Variants in PTPRZ1 observed in about 807,000 individuals in gnomAD.
PTPRZ1 encodes the protein receptor-type tyrosine-protein phosphatase zeta.
Under a neutral mutation model 214.1 loss-of-function variants are expected in PTPRZ1, and 82 were observed. The observed-to-expected ratio is 0.38, with a 90% CI of 0.32 to 0.46. PTPRZ1 has a LOEUF of 0.46. PTPRZ1 is among the 20% of genes least tolerant of loss of function. The probability of loss-of-function intolerance (pLI) is 1.00; values close to 1 mark genes in which losing one functional copy is unlikely to be tolerated. For missense variants in PTPRZ1, 2,603 were observed against 2,748.7 expected (o/e 0.95, Z 1.19); for synonymous variants, 945 against 987.9 (o/e 0.96, Z 0.81).
intron 27 of PTPRZ1, 52 bp downstream of exon 27, chr7:122,055,139 A>T (rs762737283): frequency 1.9e-5 from 26 of 1,383,610 alleles, no homozygotes; most frequent in Non-Finnish European, 2.3e-5. Flanking sequence ...CATGTTAAAC[A>T]TATTCTGACC....
chr7:121,915,964 C>T (rs1023440773), intron 1 of PTPRZ1, among the ~76,000 whole-genome samples: 5 of 152,018 alleles, frequency 3.3e-5, no homozygotes, highest in East Asian at 1.9e-4. Context: ...AATAATGCTA[C>T]CTGTGGTCTG....
At chr7:121,917,916 G>C (rs117290248) in intron 1 of PTPRZ1, among the ~76,000 whole-genome samples, 2 of 152,184 alleles carry the variant, frequency 1.3e-5, no homozygotes, top group African/African-American at 2.4e-5. Context: ...ATGAGCAATA[G>C]CAAGTGGCTT....
intron 8 of PTPRZ1, among the ~76,000 whole-genome samples, chr7:121,985,884 C>A (rs1422659062): frequency 6.6e-6 from 1 of 152,142 alleles, no homozygotes; most frequent in African/African-American, 2.4e-5. Flanking sequence ...TCTCTGAGCC[C>A]CATAATGGAA....
At chr7:121,924,216 A>G (rs2116356250) in intron 1 of PTPRZ1, among the ~76,000 whole-genome samples, 1 of 152,266 alleles carries the variant, frequency 6.6e-6, no homozygotes, top group South Asian at 2.1e-4. Context: ...ACAGAAAAAA[A>G]ATTCTATATT....
At chr7:122,032,072 AG>A in intron 15 of PTPRZ1, 1 of 152,274 alleles carries the variant, frequency 6.6e-6, no homozygotes, top group East Asian at 1.9e-4. Context: ...AAAATCAGTA[AG>A]TTTTTTCCAA....
chr7:122,038,274 C>T (rs962745638), intron 18 of PTPRZ1, among the ~76,000 whole-genome samples: 1 of 152,052 alleles, frequency 6.6e-6, no homozygotes, highest in African/African-American at 2.4e-5. Context: ...GACACAGTGA[C>T]GAATTGCTAA....
chr7:121,985,742 A>G (rs1470316502), intron 8 of PTPRZ1, among the ~76,000 whole-genome samples: 1 of 152,190 alleles, frequency 6.6e-6, no homozygotes, highest in African/African-American at 2.4e-5. Flanking sequence ...TGCACACTCA[A>G]GGAGACACCA....
intron 2 of PTPRZ1, among the ~76,000 whole-genome samples, chr7:121,942,504 CT>C (rs1271722189): frequency 6.6e-6 from 1 of 152,084 alleles, no homozygotes; most frequent in African/African-American, 2.4e-5. Flanking sequence ...AAATATGATT[CT>C]TTAGCTTCAA....
chr7:122,032,880 A>G (rs1389183278), intron 15 of PTPRZ1, among the ~76,000 whole-genome samples: 2 of 152,142 alleles, frequency 1.3e-5, no homozygotes, highest in Non-Finnish European at 2.9e-5. Context: ...ACATCAAATT[A>G]TTTTTTATTA....
intron 1 of PTPRZ1, among the ~76,000 whole-genome samples, chr7:121,909,267 G>A (rs930437990): frequency 6.6e-6 from 1 of 152,070 alleles, no homozygotes; most frequent in Non-Finnish European, 1.5e-5. Flanking sequence ...AACCAATAAA[G>A]GGGATTCATG....
At chr7:121,919,393 T>A (rs1326903967) in intron 1 of PTPRZ1, among the ~76,000 whole-genome samples, 4 of 152,100 alleles carry the variant, frequency 2.6e-5, no homozygotes, top group Non-Finnish European at 5.9e-5. Flanking sequence ...GTGTGGAATA[T>A]ATTGTAATAT....
chr7:121,937,132 T>A (rs986939166), intron 2 of PTPRZ1, among the ~76,000 whole-genome samples: 5 of 152,210 alleles, frequency 3.3e-5, no homozygotes, highest in Non-Finnish European at 5.9e-5. Flanking sequence ...TTACAACAGC[T>A]GCACGTATTC....
intron 23 of PTPRZ1, 76 bp downstream of exon 23, chr7:122,044,644 G>A: frequency 6.7e-7 from 1 of 1,487,316 alleles, no homozygotes. Flanking sequence ...GAGTTGACAG[G>A]GTCACGTTGA....
chr7:121,969,885 T>C (rs1197955269), intron 3 of PTPRZ1, among the ~76,000 whole-genome samples: 3 of 151,712 alleles, frequency 2.0e-5, no homozygotes, highest in Admixed American at 1.3e-4. Context: ...ATGTGCCATG[T>C]TGGTGTGCTG....
intron 1 of PTPRZ1, among the ~76,000 whole-genome samples, chr7:121,898,055 G>A (rs1482718274): frequency 2.6e-5 from 4 of 151,706 alleles, no homozygotes; most frequent in Non-Finnish European, 4.4e-5. Flanking sequence ...GTACCACTTC[G>A]GTGGTACATT....
intron 1 of PTPRZ1, among the ~76,000 whole-genome samples, chr7:121,912,340 G>C (rs1206486): frequency 0.68 from 103,327 of 152,060 alleles, 36,765 homozygotes; most frequent in African/African-American, 0.9. Context: ...TTTAGCACTG[G>C]TTTGTACTCA....
In PTPRZ1 at chr7:122,036,350, C is replaced by T. The variant is rs187840201; in HGVS notation, c.5285-250C>T. 2.4e-3 allele frequency among the ~76,000 whole-genome samples: 362 copies of T among 152,284 alleles called. 1 individual carries two copies. Among genetic ancestry groups the T allele is most frequent in the Non-Finnish European group, 3.5e-3 (239 of 68,012 alleles). The stretch of plus-strand genomic sequence containing the variant: ...TTCATATCCCTCCACTACATTGCAC[C>T]TCTCACTTGACACCTGTGTATATAC... On this transcript the variant is annotated intron_variant, in intron 17 of 29. Coordinates refer to ENST00000393386, the MANE Select transcript of PTPRZ1 (RefSeq NM_002851.3).
intron 20 of PTPRZ1, among the ~76,000 whole-genome samples, chr7:122,039,921 G>T (rs1327363050): frequency 6.6e-6 from 1 of 151,756 alleles, no homozygotes; most frequent in African/African-American, 2.4e-5. Context: ...GGCAGAGGTT[G>T]CAGTGAGCTA....
chr7:122,059,838 C>T lies in PTPRZ1; in HGVS notation c.6757C>T (p.Gln2253Ter). The change falls in exon 29 of 30, where the codon CAG (glutamine) becomes TAG (stop). Residue 2253 changes from glutamine (Q) to a stop codon, truncating the protein, a stop_gained. Transcript: ENST00000393386. LOFTEE classifies it high-confidence loss of function. The stretch of plus-strand genomic sequence containing the variant: ...AAAAGAAAATTCCGTGGATGTTTAC[C>T]AGGTAGCCAAGATGATCAATCTGAT... ...LEKENSVDVYQVAKMINLMRP... is the reference protein window; with the variant it reads ...LEKENSVDVY The T allele has an allele frequency of 6.2e-7, 1 of 1,613,490 alleles. No individual in the cohort carries two copies. Among genetic ancestry groups the T allele is most frequent in the Non-Finnish European group, 8.5e-7 (1 of 1,179,760 alleles).
Sources: allele counts gnomAD v4.1 joint callset (sites outside exome capture counted in the v4.1 genomes callset), GRCh38; gene constraint gnomAD v4.1.1; transcripts MANE v1.5; gene names NCBI Gene and HGNC (gene_info 2026-07-23, HGNC 2026-07-21).